The following ZFAT variants were observed in gnomAD, a reference collection of about 807,000 sequenced individuals.
ZFAT encodes zinc finger protein ZFAT.
ZFAT carries 64 observed loss-of-function variants against 117.7 expected under a neutral mutation model. The observed-to-expected ratio is 0.54, with a 90% CI of 0.44 to 0.67. ZFAT has a LOEUF of 0.67. Among genes scored for constraint, ZFAT ranks in the 30% least tolerant of loss-of-function variants. The pLI, the probability that ZFAT is intolerant of heterozygous loss-of-function variation, is 0.00. For synonymous variants in ZFAT, 679 were observed against 615.0 expected (o/e 1.10, Z -1.54); for missense variants, 1,433 against 1,584.5 (o/e 0.90, Z 1.62).
chr8:134,627,311 G>C (rs1829586052), intron 3 of ZFAT, among the ~76,000 whole-genome samples: 1 of 152,182 alleles, frequency 6.6e-6, no homozygotes, highest in Non-Finnish European at 1.5e-5. Context: ...GAGGAAGGAA[G>C]AAATGTTGGC....
chr8:134,658,495 A>G (rs1451180314), intron 1 of ZFAT, among the ~76,000 whole-genome samples: 1 of 152,174 alleles, frequency 6.6e-6, no homozygotes, highest in Non-Finnish European at 1.5e-5. Context: ...AGCACCTTTC[A>G]ATGAAACGGC....
At chr8:134,558,367 C>T (rs1242655125) in intron 11 of ZFAT, among the ~76,000 whole-genome samples, 1 of 152,156 alleles carries the variant, frequency 6.6e-6, no homozygotes, top group African/African-American at 2.4e-5. Context: ...ACTCCTCTTT[C>T]AAAGCCTCTG....
At chr8:134,486,131 A>G (rs1817638653) in intron 15 of ZFAT, among the ~76,000 whole-genome samples, 1 of 152,302 alleles carries the variant, frequency 6.6e-6, no homozygotes, top group East Asian at 1.9e-4. Context: ...AAAATGAAAA[A>G]CCAGAATGAC....
the ZFAT span, among the ~76,000 whole-genome samples, chr8:134,762,708 A>C: frequency 6.6e-6 from 1 of 152,210 alleles, no homozygotes; most frequent in Non-Finnish European, 1.5e-5. Flanking sequence ...TTTTCCATGC[A>C]ACTTAGAAAT....
At chr8:134,723,420 T>C in the ZFAT span, 1 of 152,454 alleles carries the variant, frequency 6.6e-6, no homozygotes, top group Non-Finnish European at 1.5e-5. Context: ...AGAGGAATGA[T>C]GCAGCCCTTC....
intron 15 of ZFAT, among the ~76,000 whole-genome samples, chr8:134,488,832 G>A (rs768466253): frequency 4.3e-4 from 65 of 152,166 alleles, no homozygotes; most frequent in Non-Finnish European, 7.8e-4. Context: ...GGATTCCTAC[G>A]AGTCTGAAGA....
chr8:134,810,197 G>T, the ZFAT span, among the ~76,000 whole-genome samples: 3 of 152,036 alleles, frequency 2.0e-5, no homozygotes, highest in African/African-American at 7.2e-5. Context: ...CTATATAAAC[G>T]CAACCTACGT....
chr8:134,712,827 AC>A lies in ZFAT; in HGVS notation c.19+17del. The stretch of plus-strand genomic sequence containing the variant: ...CCCACCCCCACCCCGTCTCACCCCA[AC>A]CCCCAGCCCGGCTCACCTGCCGCCC... On this transcript the variant is annotated intron_variant, in intron 1 of 15. Coordinates refer to ENST00000377838, the MANE Select transcript of ZFAT (RefSeq NM_020863.4). 2 of 1,143,314 alleles carry A rather than the reference AC, an allele frequency of 1.7e-6. No individual in the cohort carries two copies. Among genetic ancestry groups the A allele is most frequent in the Non-Finnish European group, 1.2e-6 (1 of 841,150 alleles). 70.8% of individuals were successfully genotyped at this position (1,143,314 alleles called of 1,614,324 possible).
At chr8:134,812,842 T>A in the ZFAT span, among the ~76,000 whole-genome samples, 12 of 152,256 alleles carry the variant, frequency 7.9e-5, no homozygotes, top group Non-Finnish European at 1.6e-4. Flanking sequence ...ATATATTAAC[T>A]AATTTAATCC....
the ZFAT span, among the ~76,000 whole-genome samples, chr8:134,720,675 G>A: frequency 3.9e-5 from 6 of 152,250 alleles, no homozygotes; most frequent in African/African-American, 1.2e-4. Context: ...AGAAAGCACC[G>A]CAGTTGGCAG....
At chr8:134,512,995 C>T (rs1245937359) in intron 13 of ZFAT, among the ~76,000 whole-genome samples, 1 of 152,162 alleles carries the variant, frequency 6.6e-6, no homozygotes, top group Admixed American at 6.5e-5. Flanking sequence ...GGACTGGGTG[C>T]CATGTGGCCA....
the ZFAT span, among the ~76,000 whole-genome samples, chr8:134,801,445 C>T: frequency 3.9e-5 from 6 of 152,282 alleles, no homozygotes; most frequent in South Asian, 1.2e-3. Context: ...ATAACCACTG[C>T]CAGCAAACTT....
At chr8:134,656,445 C>T (rs1321241732) in intron 2 of ZFAT, among the ~76,000 whole-genome samples, 1 of 152,156 alleles carries the variant, frequency 6.6e-6, no homozygotes, top group Admixed American at 6.5e-5. Context: ...CCACTAGCTT[C>T]GGGTGCTGCA....
chr8:134,566,850 ATCT>A (rs1292933387), intron 10 of ZFAT, among the ~76,000 whole-genome samples: 4 of 152,154 alleles, frequency 2.6e-5, no homozygotes, highest in African/African-American at 7.2e-5. Context: ...CACTTTGGAA[ATCT>A]TCTGTTCCTT....
chr8:134,508,095 TGA>T (rs66975172), intron 15 of ZFAT, among the ~76,000 whole-genome samples: 20,834 of 152,246 alleles, frequency 0.14, 1,835 homozygotes, highest in Non-Finnish European at 0.19. Flanking sequence ...GCTCGACTCC[TGA>T]GAGAAATCAC....
In ZFAT at chr8:134,601,215, G is replaced by C. The variant is rs1827420394; in HGVS notation, c.2242+262C>G. ...CCAGAAGAAAGATTCTTCTTGGTTA[G>C]AGTTCTGGTAGAGGTCATGGGTAAC... On this transcript the variant is annotated intron_variant, in intron 6 of 15. Transcript: ENST00000377838. Among the ~76,000 whole-genome samples, 3 of 152,138 alleles carry C rather than the reference G, an allele frequency of 2.0e-5. No individual in the cohort carries two copies. The South Asian group carries it at 6.2e-4, about 32-fold the overall frequency.
the ZFAT span, among the ~76,000 whole-genome samples, chr8:134,742,158 C>A: frequency 2.1e-5 from 2 of 97,120 alleles, no homozygotes; most frequent in Admixed American, 2.4e-4. Context: ...TGTGTCAGAT[C>A]ATTTCTTTTT....
In ZFAT at chr8:134,508,644, A is replaced by G. The variant is rs533825992; in HGVS notation, c.3492+975T>C. Among the ~76,000 whole-genome samples the G allele has an allele frequency of 2.1e-3, 315 of 152,260 alleles. 1 individual carries two copies. Among genetic ancestry groups the G allele is most frequent in the African/African-American group, 7.1e-3 (295 of 41,548 alleles). ...ACTTTTCTCCTGGCACTTGTTCACC[A>G]TCTGACATCCTTTATGTCATACTGG... On this transcript the variant is annotated intron_variant, in intron 15 of 15. Coordinates refer to ENST00000377838, the MANE Select transcript of ZFAT (RefSeq NM_020863.4).
intron 3 of ZFAT, among the ~76,000 whole-genome samples, chr8:134,611,209 T>C (rs2130973435): frequency 6.6e-6 from 1 of 152,266 alleles, no homozygotes; most frequent in South Asian, 2.1e-4. Context: ...TCTGAGATGG[T>C]TACAGGAAAG....
Sources: gnomAD v4.1 joint callset for allele counts (sites outside exome capture counted in the v4.1 genomes callset) on GRCh38, gnomAD v4.1.1 for gene constraint, MANE v1.5 for transcripts, NCBI Gene and HGNC (gene_info 2026-07-23, HGNC 2026-07-21) for gene names.